The following CCDC178 variants were observed in gnomAD, a reference collection of about 807,000 sequenced individuals.
The protein encoded by CCDC178 is coiled-coil domain containing 178, also known as coiled-coil domain-containing protein 178.
A neutral mutation model predicts 117.4 loss-of-function variants in CCDC178; 126 were observed. The observed-to-expected ratio is 1.07, with a 90% CI of 0.93 to 1.24. The LOEUF (loss-of-function observed/expected upper bound fraction) is 1.24. Ranked by LOEUF, CCDC178 falls within the 50% of genes most tolerant of loss-of-function variation. CCDC178 has a pLI of 0.00. For missense variants in CCDC178, 1,030 were observed against 986.9 expected, an observed-to-expected ratio of 1.04 and a Z score of -0.59; for synonymous variants, 283 against 313.4, an observed-to-expected ratio of 0.90 and a Z score of 1.02.
At chr18:33,414,166 T>C (rs369598329) in intron 2 of CCDC178, among the ~76,000 whole-genome samples, 8 of 152,272 alleles carry the variant, frequency 5.3e-5, no homozygotes, top group South Asian at 4.1e-4. Flanking sequence ...TTTTAAAATG[T>C]CAAAACTAAA....
intron 20 of CCDC178, among the ~76,000 whole-genome samples, chr18:33,197,631 A>C (rs1259708887): frequency 6.6e-6 from 1 of 152,134 alleles, no homozygotes; most frequent in African/African-American, 2.4e-5. Context: ...TTATCAAAAA[A>C]AAAAAAAAAT....
chr18:33,023,371 C>A (rs1464692538), intron 21 of CCDC178, among the ~76,000 whole-genome samples: 2 of 152,126 alleles, frequency 1.3e-5, no homozygotes, highest in East Asian at 3.8e-4. Context: ...GAATTGAAAT[C>A]ATACAGAATG....
Position 33,389,599 on chromosome 18 carries a change from T to C in CCDC178, c.149A>G (p.Tyr50Cys), listed in dbSNP as rs1183864054. 1 of 1,521,100 alleles carries C rather than the reference T, an allele frequency of 6.6e-7. No individual in the cohort carries two copies. Among genetic ancestry groups the C allele is most frequent in the Non-Finnish European group, 8.8e-7 (1 of 1,137,540 alleles). 94.2% of individuals were successfully genotyped at this position (1,521,100 alleles called of 1,614,324 possible). A position where few individuals can be genotyped will look rare whatever the true frequency, so the allele number is the denominator to read the frequency against. Residue 50 changes from tyrosine (Y) to cysteine (C), a missense_variant, in exon 5 of 23, where the codon TAT becomes TGT. Coordinates refer to ENST00000383096, the MANE Select transcript of CCDC178 (RefSeq NM_001105528.4). ...TTCACTGTTCTCCTTAGAGGCTCCATATAGAACCAAACTTTGAGACATGGC... is the reference window on the plus strand; with the variant it reads ...TTCACTGTTCTCCTTAGAGGCTCCACATAGAACCAAACTTTGAGACATGGC... ...GNAMSQSLVLYGASKENSEGF... is the reference protein window; with the variant it reads ...GNAMSQSLVLCGASKENSEGF...
At chr18:33,076,772 C>T (rs2079599210) in intron 21 of CCDC178, among the ~76,000 whole-genome samples, 1 of 152,176 alleles carries the variant, frequency 6.6e-6, no homozygotes, top group Admixed American at 6.5e-5. Flanking sequence ...TCTCTCTCAT[C>T]AAATTTCCAC....
intron 21 of CCDC178, among the ~76,000 whole-genome samples, chr18:33,024,179 A>AT (rs2056178576): frequency 6.6e-6 from 1 of 152,238 alleles, no homozygotes; most frequent in South Asian, 2.1e-4. Context: ...AGGAAGAATT[A>AT]AAACCAGTTA....
intron 21 of CCDC178, among the ~76,000 whole-genome samples, chr18:33,089,067 CA>C (rs2057424603): frequency 6.6e-6 from 1 of 152,068 alleles, no homozygotes; most frequent in African/African-American, 2.4e-5. Flanking sequence ...AAATCTCCTC[CA>C]AATAAACAGG....
chr18:33,197,130 C>A (rs946514707), intron 20 of CCDC178, among the ~76,000 whole-genome samples: 2 of 151,906 alleles, frequency 1.3e-5, no homozygotes, highest in East Asian at 3.9e-4. Context: ...TGGGCTCAAG[C>A]GATTCTCCTG....
intron 11 of CCDC178, among the ~76,000 whole-genome samples, chr18:33,306,923 T>G (rs945497372): frequency 1.3e-5 from 2 of 152,190 alleles, no homozygotes; most frequent in East Asian, 3.9e-4. Context: ...GCTCTTATAC[T>G]TCTCCTTCCT....
At chr18:33,105,973 AG>A (rs1345668942) in intron 20 of CCDC178, among the ~76,000 whole-genome samples, 1 of 151,786 alleles carries the variant, frequency 6.6e-6, no homozygotes, top group East Asian at 1.9e-4. Flanking sequence ...GAATACTTTA[AG>A]AAAAGTGAAA....
At chr18:33,393,398 C>T (rs901589908) in intron 4 of CCDC178, among the ~76,000 whole-genome samples, 1 of 151,976 alleles carries the variant, frequency 6.6e-6, no homozygotes, top group African/African-American at 2.4e-5. Context: ...GAAAATGCCA[C>T]CTTAAATTTA....
intron 15 of CCDC178, among the ~76,000 whole-genome samples, chr18:33,242,576 C>A (rs1257790969): frequency 6.7e-6 from 1 of 149,770 alleles, no homozygotes; most frequent in Admixed American, 6.7e-5. Context: ...CAAAAAAAAT[C>A]TGATTTAAAA....
At chr18:33,394,320 A>AT (rs2063602613) in intron 4 of CCDC178, among the ~76,000 whole-genome samples, 1 of 151,996 alleles carries the variant, frequency 6.6e-6, no homozygotes, top group Non-Finnish European at 1.5e-5. Flanking sequence ...ACAATAACAC[A>AT]TATTAATTTT....
At position 33,211,994 on chromosome 18, in the gene CCDC178, T is replaced by A. The variant is rs2059114369; in HGVS notation, c.2140A>T (p.Met714Leu). ...TCTTCACAGTCTTTTTTCTCTTGCA[T>A]ATAATGATCAAACACAGTTTGTGCA... is the stretch of plus-strand genomic sequence containing the variant. The part of the protein sequence containing the change: ...EHAQTVFDHY[M>L]QEKKDCEERI... The change falls in exon 20 of 23, where the codon ATG becomes TTG. Residue 714 changes from methionine to leucine, a missense_variant. Met to Leu is a conservative substitution (Grantham distance 15). Transcript: ENST00000383096. The A allele has an allele frequency of 1.9e-6, 3 of 1,608,908 alleles. No individual in the cohort carries two copies. The highest frequency in any genetic ancestry group is 2.5e-6 in the Non-Finnish European group (3 of 1,177,114).
chr18:32,951,292 T>C (rs577062537), intron 22 of CCDC178, among the ~76,000 whole-genome samples: 114 of 152,290 alleles, frequency 7.5e-4, no homozygotes, highest in South Asian at 1.2e-3. Flanking sequence ...ATTCGTTCCT[T>C]CTCATGCTGC....
intron 11 of CCDC178, among the ~76,000 whole-genome samples, chr18:33,308,677 G>T (rs2062292399): frequency 6.6e-6 from 1 of 152,176 alleles, no homozygotes; most frequent in Non-Finnish European, 1.5e-5. Context: ...ATCCCCATGT[G>T]CTGTGAGAGG....
At chr18:33,260,110 C>T (rs1239344275) in intron 14 of CCDC178, among the ~76,000 whole-genome samples, 1 of 152,008 alleles carries the variant, frequency 6.6e-6, no homozygotes, top group African/African-American at 2.4e-5. Flanking sequence ...CTCTCTCAGT[C>T]ACTACCACCC....
intron 21 of CCDC178, among the ~76,000 whole-genome samples, chr18:33,033,079 C>T (rs1194701035): frequency 6.6e-6 from 1 of 151,952 alleles, no homozygotes; most frequent in African/African-American, 2.4e-5. Context: ...TAAAGAAGTC[C>T]CATCACTGCT....
chr18:33,103,794 T>A (rs2057663893), intron 20 of CCDC178, among the ~76,000 whole-genome samples: 1 of 151,680 alleles, frequency 6.6e-6, no homozygotes, highest in Non-Finnish European at 1.5e-5. Context: ...GAAACTTCTG[T>A]TGGGGGGCTC....
At chr18:33,020,774 TC>T (rs2056100556) in intron 21 of CCDC178, among the ~76,000 whole-genome samples, 1 of 151,982 alleles carries the variant, frequency 6.6e-6, no homozygotes. Flanking sequence ...CTTTTTTTTT[TC>T]TGATTTCCTA....
Sources: gnomAD v4.1 joint callset for allele counts (sites outside exome capture counted in the v4.1 genomes callset) on GRCh38, gnomAD v4.1.1 for gene constraint, MANE v1.5 for transcripts, NCBI Gene and HGNC (gene_info 2026-07-23, HGNC 2026-07-21) for gene names.